The following IL1R1 variants were observed in gnomAD, a reference collection of about 807,000 sequenced individuals.
IL1R1 encodes the protein interleukin 1 receptor type 1.
IL1R1 carries 22 observed loss-of-function variants against 50.2 expected under a neutral mutation model. That is an observed-to-expected ratio of 0.44 (90% CI 0.31 to 0.63). IL1R1 has a LOEUF of 0.63. Ranked by LOEUF, IL1R1 falls within the 20% of genes least tolerant of loss-of-function variation. IL1R1 has a pLI of 0.07. For synonymous variants in IL1R1, 251 were observed against 236.7 expected (o/e 1.06, Z -0.55); for missense variants, 509 against 676.2 (o/e 0.75, Z 2.74).
At chr2:102,166,328 A>G in intron 6 of IL1R1, 47 bp downstream of exon 6, 5 of 1,407,734 alleles carry the variant, frequency 3.6e-6, no homozygotes, top group Non-Finnish European at 4.9e-6. Context: ...GGGAAGGTCC[A>G]GAGACTGTGA....
At chr2:102,133,819 A>G (rs1332076363) in intron 1 of IL1R1, among the ~76,000 whole-genome samples, 1 of 152,172 alleles carries the variant, frequency 6.6e-6, no homozygotes, top group Non-Finnish European at 1.5e-5. Context: ...AATGAAAGCT[A>G]TCCTCCTAGG....
intron 1 of IL1R1, among the ~76,000 whole-genome samples, chr2:102,116,215 T>C (rs1437672318): frequency 6.6e-6 from 1 of 152,240 alleles, no homozygotes; most frequent in Non-Finnish European, 1.5e-5. Context: ...ACACTTTGTT[T>C]GTCTCTCTTC....
At chr2:102,084,804 G>C (rs1679367859) in intron 1 of IL1R1, among the ~76,000 whole-genome samples, 1 of 152,168 alleles carries the variant, frequency 6.6e-6, no homozygotes, top group South Asian at 2.1e-4. Context: ...CTCAGCAGTA[G>C]TTACTGCTGC....
At chr2:102,110,461 C>T (rs1191954330) in intron 1 of IL1R1, among the ~76,000 whole-genome samples, 1 of 112,430 alleles carries the variant, frequency 8.9e-6, no homozygotes, top group Admixed American at 1.3e-4. Flanking sequence ...TACCAATTAA[C>T]ACCCCTACCA....
At chr2:102,086,531 C>T (rs1226861110) in intron 1 of IL1R1, among the ~76,000 whole-genome samples, 1 of 145,892 alleles carries the variant, frequency 6.9e-6, no homozygotes, top group Non-Finnish European at 1.5e-5. Context: ...CTACGCCTTT[C>T]TCCCCCTCTT....
intron 1 of IL1R1, among the ~76,000 whole-genome samples, chr2:102,153,328 C>T (rs1019773731): frequency 8.5e-5 from 13 of 152,176 alleles, no homozygotes; most frequent in African/African-American, 1.4e-4. Context: ...CAAAGTGCCA[C>T]GTGCATGTGT....
intron 3 of IL1R1, 91 bp downstream of exon 3, chr2:102,157,876 A>C: frequency 1.2e-6 from 1 of 834,864 alleles, no homozygotes; most frequent in Non-Finnish European, 2.0e-6. Flanking sequence ...GTCATTTCTC[A>C]TACTCGTCTC....
intron 1 of IL1R1, among the ~76,000 whole-genome samples, chr2:102,074,877 T>C (rs1224356366): frequency 6.6e-6 from 1 of 152,194 alleles, no homozygotes; most frequent in African/African-American, 2.4e-5. Context: ...TTCATGAAGT[T>C]TTTCAGTGCA....
chr2:102,176,853 A>G lies in IL1R1; in HGVS notation c.*94A>G. 1.7e-6 allele frequency: 2 copies of G among 1,164,780 alleles called. No individual in the cohort carries two copies. The highest frequency in any genetic ancestry group is 2.5e-6 in the Non-Finnish European group (2 of 805,490). 72.2% of individuals were successfully genotyped at this position (1,164,780 alleles called of 1,614,324 possible). A position where few individuals can be genotyped will look rare whatever the true frequency, so the allele number is the denominator to read the frequency against. ...CATGCTGACTTGCAGAGTTCATGGA[A>G]TGTAACTATATCATCCTTTATCCCT... On this transcript the variant is annotated 3_prime_UTR_variant, in exon 12 of 12. Coordinates refer to ENST00000410023, the MANE Select transcript of IL1R1 (RefSeq NM_000877.4).
At chr2:102,174,786 G>A in intron 10 of IL1R1, 56 bp downstream of exon 10, 1 of 1,427,526 alleles carries the variant, frequency 7.0e-7, no homozygotes, top group Non-Finnish European at 9.5e-7. Flanking sequence ...ATAGTTAGGA[G>A]ATGTAGAAGA....
rs551805391 is a variant in IL1R1, at chr2:102,113,257, G to C, written c.-84+8385G>C. Among the ~76,000 whole-genome samples the C allele has an allele frequency of 3.9e-5, 6 of 152,364 alleles. No homozygotes were observed. The South Asian group carries it at 6.2e-4, about 16-fold the overall frequency. ...AACAAGTGAATGAGCCATTGCTATA[G>C]AATAGGCTCAAAGCACATTTGTGTC... On this transcript the variant is annotated intron_variant, in intron 1 of 10. Coordinates refer to the IL1R1 transcript ENST00000409329.
At chr2:102,095,319 T>G (rs185103853) in intron 1 of IL1R1, among the ~76,000 whole-genome samples, 3 of 152,230 alleles carry the variant, frequency 2.0e-5, no homozygotes, top group Non-Finnish European at 4.4e-5. Context: ...AGGAAGCCAA[T>G]TTATCTGTTA....
At chr2:102,115,965 G>C (rs997398170) in intron 1 of IL1R1, among the ~76,000 whole-genome samples, 1 of 152,176 alleles carries the variant, frequency 6.6e-6, no homozygotes, top group South Asian at 2.1e-4. Context: ...GGCAGGTTTT[G>C]ACATCCAACC....
intron 7 of IL1R1, among the ~76,000 whole-genome samples, chr2:102,169,489 G>T (rs1266403684): frequency 4.6e-5 from 7 of 152,186 alleles, no homozygotes. Flanking sequence ...CACAAATATA[G>T]AACATTTCCA....
chr2:102,104,150 C>G (rs1680276633), upstream of IL1R1, among the ~76,000 whole-genome samples: 3 of 152,058 alleles, frequency 2.0e-5, no homozygotes, highest in Admixed American at 2.0e-4. Context: ...AGGGAGACTT[C>G]CAGAGTTCTC....
At chr2:102,119,962 G>C (rs1681315529) in intron 1 of IL1R1, among the ~76,000 whole-genome samples, 1 of 151,936 alleles carries the variant, frequency 6.6e-6, no homozygotes, top group Non-Finnish European at 1.5e-5. Flanking sequence ...TTCCCTCCTT[G>C]GCAGCCACCA....
chr2:102,072,130 T>C (rs920243001), intron 1 of IL1R1, among the ~76,000 whole-genome samples: 2 of 151,668 alleles, frequency 1.3e-5, no homozygotes, highest in Admixed American at 6.6e-5. Context: ...CATGGTGGCC[T>C]GTGCCTGTAA....
At chr2:102,095,779 C>T (rs796254591) in intron 1 of IL1R1, among the ~76,000 whole-genome samples, 5 of 152,112 alleles carry the variant, frequency 3.3e-5, no homozygotes, top group South Asian at 4.2e-4. Context: ...CCGAGGCGGG[C>T]GGATCATGAG....
At chr2:102,102,091 T>A (rs1248035594), upstream of IL1R1, among the ~76,000 whole-genome samples, 1 of 152,146 alleles carries the variant, frequency 6.6e-6, no homozygotes, top group South Asian at 2.1e-4. Flanking sequence ...GAAGAAATCA[T>A]CTGGAGTGGA....
Sources: gnomAD v4.1 joint callset for allele counts (sites outside exome capture counted in the v4.1 genomes callset) on GRCh38, gnomAD v4.1.1 for gene constraint, MANE v1.5 for transcripts, NCBI Gene and HGNC (gene_info 2026-07-23, HGNC 2026-07-21) for gene names.